Variants in CPPED1 observed in about 807,000 individuals in gnomAD.
CPPED1 encodes serine/threonine-protein phosphatase CPPED1.
Under a neutral mutation model 28.0 loss-of-function variants are expected in CPPED1, and 28 were observed. That is an observed-to-expected ratio of 1.00 (90% CI 0.74 to 1.37). The LOEUF (loss-of-function observed/expected upper bound fraction) is 1.37. Among genes scored for constraint, CPPED1 ranks in the 40% most tolerant of loss-of-function variants. The probability of loss-of-function intolerance (pLI) is 0.00; values close to 1 mark genes in which losing one functional copy is unlikely to be tolerated. For missense variants in CPPED1, 504 were observed against 416.5 expected, an observed-to-expected ratio of 1.21 and a Z score of -1.83; for synonymous variants, 198 against 180.2, an observed-to-expected ratio of 1.10 and a Z score of -0.79.
intron 3 of CPPED1, among the ~76,000 whole-genome samples, chr16:12,695,711 A>G (rs2079986324): frequency 6.6e-6 from 1 of 152,226 alleles, no homozygotes; most frequent in Admixed American, 6.5e-5. Flanking sequence ...GTGTTCAAAT[A>G]AGGCAAATGC....
chr16:12,731,245 C>T (rs2080195660), intron 2 of CPPED1, among the ~76,000 whole-genome samples: 1 of 151,630 alleles, frequency 6.6e-6, no homozygotes, highest in Non-Finnish European at 1.5e-5. Context: ...GCTCCACCCC[C>T]CGGGTTCATG....
At chr16:12,750,096 A>T (rs1200832666) in intron 2 of CPPED1, among the ~76,000 whole-genome samples, 1 of 152,210 alleles carries the variant, frequency 6.6e-6, no homozygotes, top group Non-Finnish European at 1.5e-5. Context: ...GCTTAAGGGA[A>T]TGTTGTGGCT....
intron 2 of CPPED1, among the ~76,000 whole-genome samples, chr16:12,759,656 G>T (rs1368022591): frequency 1.3e-5 from 2 of 152,224 alleles, no homozygotes; most frequent in Non-Finnish European, 2.9e-5. Flanking sequence ...GGGTCGGGGG[G>T]TGGTGTGGTT....
chr16:12,675,134 T>C (rs993725603), intron 3 of CPPED1, among the ~76,000 whole-genome samples: 1 of 152,216 alleles, frequency 6.6e-6, no homozygotes, highest in Non-Finnish European at 1.5e-5. Context: ...CACAACTCGA[T>C]GGAGGTAAGG....
rs181108536 is a variant in CPPED1 at position 12,777,888 on chromosome 16, C to A, written c.289+3297G>T. Among the ~76,000 whole-genome samples, 23 of 144,664 alleles carry A rather than the reference C, an allele frequency of 1.6e-4. No individual in the cohort carries two copies. In the East Asian group the frequency reaches 4.7e-3, roughly 29 times the overall value. 94.9% of individuals were successfully genotyped at this position (144,664 alleles called of 152,430 possible). On this transcript the variant is annotated intron_variant, in intron 2 of 3. Transcript: ENST00000381774. Reference sequence around the variant, plus strand: ...TTTCATTAAAAAAAAAATGAAAGTTCTTTTTTTCTATTTTCTTTTTTTTTT... The same window carrying A: ...TTTCATTAAAAAAAAAATGAAAGTTATTTTTTTCTATTTTCTTTTTTTTTT...
chr16:12,738,039 C>G (rs1036007558), intron 2 of CPPED1, among the ~76,000 whole-genome samples: 2 of 152,170 alleles, frequency 1.3e-5, no homozygotes, highest in Non-Finnish European at 1.5e-5. Flanking sequence ...AGGTAGAGGG[C>G]CTGTTGGCAG....
At chr16:12,733,727 G>T (rs2080211438) in intron 2 of CPPED1, among the ~76,000 whole-genome samples, 2 of 152,148 alleles carry the variant, frequency 1.3e-5, no homozygotes, top group African/African-American at 4.8e-5. Flanking sequence ...CAAGCATGTT[G>T]TTTAGAACAA....
At chr16:12,734,065 T>TTTTTTG (rs2080213783) in intron 2 of CPPED1, among the ~76,000 whole-genome samples, 10 of 116,220 alleles carry the variant, frequency 8.6e-5, no homozygotes, top group Admixed American at 6.9e-4. Context: ...CACGTTTTTT[T>TTTTTTG]TTTTTTTTTT....
intron 2 of CPPED1, among the ~76,000 whole-genome samples, chr16:12,719,928 C>T (rs1303349350): frequency 1.3e-5 from 2 of 151,730 alleles, no homozygotes. Context: ...AAGAGCAAAA[C>T]TCCATCACAG....
At chr16:12,801,819 A>G (rs1009516711) in intron 1 of CPPED1, among the ~76,000 whole-genome samples, 1 of 152,200 alleles carries the variant, frequency 6.6e-6, no homozygotes, top group African/African-American at 2.4e-5. Context: ...GACGAAACCT[A>G]CAAGGGAGTG....
chr16:12,672,733 G>A (rs535101265), intron 3 of CPPED1, among the ~76,000 whole-genome samples: 19 of 152,294 alleles, frequency 1.2e-4, no homozygotes, highest in African/African-American at 3.8e-4. Flanking sequence ...CAATGATCAC[G>A]AATTAATCGG....
Position 12,736,693 on chromosome 16 carries a change from C to T in CPPED1, c.290-31644G>A, listed in dbSNP as rs745735804. On this transcript the variant is annotated intron_variant, in intron 2 of 3. Transcript: ENST00000381774. Reference sequence around the variant, plus strand: ...TTGCTTAACCATTATTTACAGAATGCTAGGCAATCTAAACACTAAGATTCT... The same window carrying T: ...TTGCTTAACCATTATTTACAGAATGTTAGGCAATCTAAACACTAAGATTCT... Among the ~76,000 whole-genome samples the T allele has an allele frequency of 2.8e-4, 43 of 152,300 alleles. 1 individual carries two copies. Among genetic ancestry groups the T allele is most frequent in the Non-Finnish European group, 5.9e-4 (40 of 68,030 alleles).
rs534812540 is a variant in CPPED1, at chr16:12,672,868, G to A, written c.716-7753C>T. On this transcript the variant is annotated intron_variant, in intron 3 of 3. Transcript: ENST00000381774. ...ATCTCTACTAAAAATACAAAAACTA[G>A]CCAGGCGTGGTGGCAGGCGCCTGTA... Among the ~76,000 whole-genome samples the A allele has an allele frequency of 2.0e-5, 3 of 152,200 alleles. No homozygotes were observed. In the South Asian group the frequency reaches 6.2e-4, roughly 32 times the overall value.
chr16:12,721,771 A>T (rs946037502), intron 2 of CPPED1, among the ~76,000 whole-genome samples: 2 of 151,420 alleles, frequency 1.3e-5, no homozygotes, highest in African/African-American at 2.4e-5. Flanking sequence ...AAAAAAAGGC[A>T]AAATAAATAA....
At chr16:12,751,531 G>A (rs562114370) in intron 2 of CPPED1, among the ~76,000 whole-genome samples, 1 of 152,266 alleles carries the variant, frequency 6.6e-6, no homozygotes, top group Admixed American at 6.5e-5. Context: ...TGCAGCTCCT[G>A]CAGCCATTTT....
intron 2 of CPPED1, among the ~76,000 whole-genome samples, chr16:12,772,875 T>C (rs1442196494): frequency 1.3e-5 from 2 of 152,216 alleles, no homozygotes; most frequent in Non-Finnish European, 2.9e-5. Context: ...AGAACACATA[T>C]TAAACAATAC....
intron 2 of CPPED1, among the ~76,000 whole-genome samples, chr16:12,764,242 C>T (rs1367811527): frequency 1.3e-5 from 2 of 150,962 alleles, no homozygotes; most frequent in Non-Finnish European, 2.9e-5. Context: ...TTCGCTCTGT[C>T]GCCCAGGCCA....
At chr16:12,698,299 G>A (rs1217275664) in intron 3 of CPPED1, among the ~76,000 whole-genome samples, 1 of 152,184 alleles carries the variant, frequency 6.6e-6, no homozygotes, top group East Asian at 1.9e-4. Context: ...CTGGGCTTCT[G>A]TTTCCTGGAG....
At chr16:12,675,450 G>T (rs2079873204) in intron 3 of CPPED1, among the ~76,000 whole-genome samples, 1 of 152,176 alleles carries the variant, frequency 6.6e-6, no homozygotes, top group Non-Finnish European at 1.5e-5. Flanking sequence ...AAGTCATGAA[G>T]ACGCTATAAA....
Sources: gnomAD v4.1 joint callset for allele counts (sites outside exome capture counted in the v4.1 genomes callset) on GRCh38, gnomAD v4.1.1 for gene constraint, MANE v1.5 for transcripts, NCBI Gene and HGNC (gene_info 2026-07-23, HGNC 2026-07-21) for gene names.